NCK2: variants seen among roughly 807,000 people sequenced by gnomAD.
The protein encoded by NCK2 is NCK adaptor protein 2, also known as cytoplasmic protein NCK2.
Under a neutral mutation model 33.9 loss-of-function variants are expected in NCK2, and 16 were observed. The ratio of observed to expected loss-of-function variants is 0.47; its 90% CI spans 0.32 to 0.72. The LOEUF (loss-of-function observed/expected upper bound fraction) is 0.72. Ranked by LOEUF, NCK2 falls within the 30% of genes least tolerant of loss-of-function variation. The probability of loss-of-function intolerance (pLI) is 0.03; values close to 1 mark genes in which losing one functional copy is unlikely to be tolerated. For missense variants in NCK2, 418 were observed against 537.3 expected (o/e 0.78, Z 2.19); for synonymous variants, 273 against 239.9 (o/e 1.14, Z -1.27).
At chr2:105,782,666 C>A (rs1408928770) in intron 1 of NCK2, among the ~76,000 whole-genome samples, 1 of 139,942 alleles carries the variant, frequency 7.1e-6, no homozygotes, top group Non-Finnish European at 1.5e-5. Context: ...AATGATAGAA[C>A]CTGATCGTTT....
At chr2:105,749,420 C>T (rs949950626) in intron 1 of NCK2, among the ~76,000 whole-genome samples, 5 of 152,200 alleles carry the variant, frequency 3.3e-5, no homozygotes, top group Admixed American at 6.5e-5. Context: ...CATGCACGCT[C>T]ATTCATTGTT....
At chr2:105,876,095 C>T (rs1678225497) in intron 3 of NCK2, among the ~76,000 whole-genome samples, 1 of 152,080 alleles carries the variant, frequency 6.6e-6, no homozygotes, top group Non-Finnish European at 1.5e-5. Context: ...CACAGCATGC[C>T]AGCCATTGGA....
At chr2:105,763,521 A>C (rs773903072) in intron 1 of NCK2, among the ~76,000 whole-genome samples, 6 of 152,312 alleles carry the variant, frequency 3.9e-5, no homozygotes, top group Admixed American at 3.3e-4. Context: ...TGTTTTTATA[A>C]ATTTTATTTA....
intron 1 of NCK2, among the ~76,000 whole-genome samples, chr2:105,760,578 AC>A (rs1689736394): frequency 6.6e-6 from 1 of 152,060 alleles, no homozygotes. Context: ...CACAGTTTTG[AC>A]CACCTCTTGG....
intron 3 of NCK2, among the ~76,000 whole-genome samples, chr2:105,879,671 C>T (rs564818057): frequency 1.1e-4 from 16 of 152,272 alleles, no homozygotes; most frequent in Non-Finnish European, 1.8e-4. Flanking sequence ...CCTGGCGCCG[C>T]GTGGGCACAT....
intron 3 of NCK2, among the ~76,000 whole-genome samples, chr2:105,877,462 G>A (rs1678287188): frequency 6.6e-6 from 1 of 152,154 alleles, no homozygotes; most frequent in African/African-American, 2.4e-5. Context: ...TACCCCTCCA[G>A]CCTGCTGAGA....
chr2:105,890,813 C>G (rs1678940461), intron 4 of NCK2, among the ~76,000 whole-genome samples: 1 of 152,226 alleles, frequency 6.6e-6, no homozygotes, highest in African/African-American at 2.4e-5. Flanking sequence ...GGGTTGCACA[C>G]TTCTCATCAA....
chr2:105,775,910 G>T (rs1327844160), intron 1 of NCK2, among the ~76,000 whole-genome samples: 2 of 152,060 alleles, frequency 1.3e-5, no homozygotes, highest in African/African-American at 4.8e-5. Context: ...TGATTTTGTG[G>T]TTACCAAAAC....
At chr2:105,852,995 A>T (rs1174328486) in intron 2 of NCK2, among the ~76,000 whole-genome samples, 2 of 152,140 alleles carry the variant, frequency 1.3e-5, no homozygotes, top group South Asian at 2.1e-4. Context: ...TATTATTTAT[A>T]AAAAAATTTT....
At chr2:105,794,158 CCTG>C (rs1001954033) in intron 1 of NCK2, among the ~76,000 whole-genome samples, 1 of 151,082 alleles carries the variant, frequency 6.6e-6, no homozygotes, top group African/African-American at 2.4e-5. Context: ...TAGTGATTCT[CCTG>C]CTTCAGCCTC....
At chr2:105,767,078 A>ACT (rs1189343962) in intron 1 of NCK2, among the ~76,000 whole-genome samples, 1 of 151,990 alleles carries the variant, frequency 6.6e-6, no homozygotes, top group Non-Finnish European at 1.5e-5. Context: ...GCCCACACAC[A>ACT]CCAGTGCTGG....
chr2:105,884,988 A>G (rs1678665107), intron 4 of NCK2, among the ~76,000 whole-genome samples: 1 of 152,330 alleles, frequency 6.6e-6, no homozygotes, highest in East Asian at 1.9e-4. Context: ...ATCCTTTTAT[A>G]TTACATTTTG....
chr2:105,887,725 A>T (rs1355180974), intron 4 of NCK2, among the ~76,000 whole-genome samples: 1 of 152,192 alleles, frequency 6.6e-6, no homozygotes, highest in African/African-American at 2.4e-5. Context: ...TTTTCCTTCT[A>T]TGAGAAAACA....
chr2:105,880,015 T>G (rs1170516017), intron 3 of NCK2, among the ~76,000 whole-genome samples: 1 of 152,234 alleles, frequency 6.6e-6, no homozygotes. Context: ...GTGTGGGGTG[T>G]GTCCCCAGCT....
At chr2:105,854,836 A>C in intron 2 of NCK2, 1 of 484,090 alleles carries the variant, frequency 2.1e-6, no homozygotes, top group East Asian at 3.4e-5. Flanking sequence ...AAACAGTAAC[A>C]TAAGATTTGT....
chr2:105,860,575 G>A (rs960593284), intron 3 of NCK2, among the ~76,000 whole-genome samples: 2 of 152,098 alleles, frequency 1.3e-5, no homozygotes, highest in African/African-American at 4.8e-5. Flanking sequence ...GCATGGGGAG[G>A]CCTTACTGGG....
At chr2:105,793,069 C>A (rs138793077) in intron 1 of NCK2, among the ~76,000 whole-genome samples, 2 of 152,186 alleles carry the variant, frequency 1.3e-5, no homozygotes, top group East Asian at 3.9e-4. Flanking sequence ...TCAAGCAGTG[C>A]AGGCTTTATA....
chr2:105,873,021 C>A (rs1459358714), intron 3 of NCK2, among the ~76,000 whole-genome samples: 2 of 152,206 alleles, frequency 1.3e-5, no homozygotes, highest in African/African-American at 4.8e-5. Context: ...CTGGTGCCCT[C>A]ACCCGGCTGC....
intron 1 of NCK2, among the ~76,000 whole-genome samples, chr2:105,794,865 G>C (rs1691021283): frequency 6.6e-6 from 1 of 152,016 alleles, no homozygotes; most frequent in Admixed American, 6.6e-5. Flanking sequence ...CTGTTCGCAT[G>C]GTTCCGCAGC....
Sources: allele counts gnomAD v4.1 joint callset (sites outside exome capture counted in the v4.1 genomes callset), GRCh38; gene constraint gnomAD v4.1.1; transcripts MANE v1.5; gene names NCBI Gene and HGNC (gene_info 2026-07-23, HGNC 2026-07-21).